ALK: variants seen among roughly 807,000 people sequenced by gnomAD.
ALK encodes ALK tyrosine kinase receptor.
In ALK, 74 loss-of-function variants were observed where a neutral mutation model predicts 163.1. That is an observed-to-expected ratio of 0.45 (90% CI 0.38 to 0.55). The LOEUF is 0.55. ALK is among the 20% of genes least tolerant of loss of function. The probability of loss-of-function intolerance (pLI) is 0.00; values close to 1 mark genes in which losing one functional copy is unlikely to be tolerated. For synonymous variants in ALK, 960 were observed against 843.2 expected (o/e 1.14, Z -2.40); for missense variants, 2,063 against 2,105.3 (o/e 0.98, Z 0.39).
chr2:29,599,357 G>T (rs1675312226), intron 3 of ALK, among the ~76,000 whole-genome samples: 1 of 152,198 alleles, frequency 6.6e-6, no homozygotes, highest in Admixed American at 6.5e-5. Flanking sequence ...GGAACTAACT[G>T]CCAGGAGTAG....
At chr2:29,377,599 C>T (rs1573297146) in intron 5 of ALK, among the ~76,000 whole-genome samples, 1 of 152,276 alleles carries the variant, frequency 6.6e-6, no homozygotes, top group East Asian at 1.9e-4. Context: ...CTAGGCGCCC[C>T]CAAAGACAGC....
intron 3 of ALK, among the ~76,000 whole-genome samples, chr2:29,569,530 T>A (rs114591556): frequency 2.6e-5 from 4 of 151,202 alleles, no homozygotes; most frequent in Admixed American, 1.3e-4. Context: ...TCAAAGAACA[T>A]GCCCAGTAAA....
intron 11 of ALK, among the ~76,000 whole-genome samples, chr2:29,263,751 A>G (rs1665145508): frequency 6.6e-6 from 1 of 152,222 alleles, no homozygotes; most frequent in Non-Finnish European, 1.5e-5. Context: ...TGAGGCAACA[A>G]GCATGAAGAA....
At chr2:29,630,103 A>G (rs969363018) in intron 3 of ALK, among the ~76,000 whole-genome samples, 1 of 152,142 alleles carries the variant, frequency 6.6e-6, no homozygotes, top group African/African-American at 2.4e-5. Context: ...CGGAAATTTG[A>G]TTGACTGGCC....
chr2:29,411,959 C>A (rs1027965944), intron 4 of ALK, among the ~76,000 whole-genome samples: 2 of 152,346 alleles, frequency 1.3e-5, no homozygotes, highest in African/African-American at 4.8e-5. Flanking sequence ...CAAGCGCAAG[C>A]AAGTTTCTTG....
chr2:29,785,107 G>A (rs1407080183), intron 1 of ALK, among the ~76,000 whole-genome samples: 2 of 152,124 alleles, frequency 1.3e-5, no homozygotes, highest in East Asian at 3.9e-4. Flanking sequence ...CATCCGGAGA[G>A]CTGGGCCTAC....
intron 12 of ALK, among the ~76,000 whole-genome samples, chr2:29,245,321 T>C (rs1664635775): frequency 9.0e-6 from 1 of 111,160 alleles, no homozygotes; most frequent in Non-Finnish European, 1.8e-5. Flanking sequence ...CTGCACACAG[T>C]AGGGGCTCCA....
At chr2:29,339,544 G>GA (rs1667729771) in intron 5 of ALK, among the ~76,000 whole-genome samples, 1 of 152,134 alleles carries the variant, frequency 6.6e-6, no homozygotes, top group Admixed American at 6.5e-5. Context: ...ACAAGAAACT[G>GA]AAAAAAATCT....
chr2:29,390,585 A>AAC (rs1394093798), intron 4 of ALK, among the ~76,000 whole-genome samples: 1 of 151,846 alleles, frequency 6.6e-6, no homozygotes, highest in Non-Finnish European at 1.5e-5. Flanking sequence ...AGAGAAAAAA[A>AAC]AAAAACATTT....
At chr2:29,814,942 A>C (rs1664856679) in intron 1 of ALK, among the ~76,000 whole-genome samples, 1 of 150,568 alleles carries the variant, frequency 6.6e-6, no homozygotes, top group Non-Finnish European at 1.5e-5. Flanking sequence ...GAATCACAGA[A>C]TGCCAGGTTT....
intron 2 of ALK, among the ~76,000 whole-genome samples, chr2:29,705,148 G>T (rs1226137199): frequency 6.7e-6 from 1 of 148,892 alleles, no homozygotes; most frequent in African/African-American, 2.5e-5. Context: ...AACTCGGGAG[G>T]CAGAGGTTGC....
intron 9 of ALK, among the ~76,000 whole-genome samples, chr2:29,291,889 G>A: frequency 6.6e-6 from 1 of 152,122 alleles, no homozygotes; most frequent in South Asian, 2.1e-4. Context: ...CTACACAAAG[G>A]GAGAGTGTTG....
chr2:29,898,790 G>A (rs766399288), intron 1 of ALK, among the ~76,000 whole-genome samples: 3 of 152,166 alleles, frequency 2.0e-5, no homozygotes, highest in East Asian at 1.9e-4. Flanking sequence ...AGATGGCACC[G>A]AAGTTTACAG....
intron 3 of ALK, among the ~76,000 whole-genome samples, chr2:29,690,630 A>G (rs2148285958): frequency 6.6e-6 from 1 of 152,342 alleles, no homozygotes; most frequent in African/African-American, 2.4e-5. Context: ...TCAAGATTTT[A>G]GTAATTTATA....
intron 13 of ALK, among the ~76,000 whole-genome samples, chr2:29,234,302 T>C (rs1302005008): frequency 2.0e-5 from 3 of 152,170 alleles, no homozygotes; most frequent in Admixed American, 6.5e-5. Flanking sequence ...GCTAGAGGCC[T>C]TGAAGGCACT....
chr2:29,614,409 C>T (rs10208167), intron 3 of ALK, among the ~76,000 whole-genome samples: 94,620 of 152,060 alleles, frequency 0.62, 30,860 homozygotes, highest in East Asian at 0.73. Context: ...AAAGGCTCTG[C>T]GGTTAGTTCC....
chr2:29,412,339 C>T (rs931742778), intron 4 of ALK, among the ~76,000 whole-genome samples: 4 of 152,326 alleles, frequency 2.6e-5, no homozygotes, highest in South Asian at 2.1e-4. Context: ...TCTAATTGCT[C>T]CTGTAGTACA....
At chr2:29,327,596 TC>T (rs1667306528) in intron 6 of ALK, among the ~76,000 whole-genome samples, 1 of 152,198 alleles carries the variant, frequency 6.6e-6, no homozygotes. Flanking sequence ...TACTACAGGT[TC>T]CTTTTCGGGG....
At chr2:29,786,981 A>G (rs529195834) in intron 1 of ALK, among the ~76,000 whole-genome samples, 14 of 152,114 alleles carry the variant, frequency 9.2e-5, no homozygotes, top group South Asian at 6.2e-4. Context: ...ATTTTTAGTA[A>G]AGACAGGGTT....
Sources: allele counts gnomAD v4.1 joint callset (sites outside exome capture counted in the v4.1 genomes callset), GRCh38; gene constraint gnomAD v4.1.1; transcripts MANE v1.5; gene names NCBI Gene and HGNC (gene_info 2026-07-23, HGNC 2026-07-21).